GNAQ: variants seen among roughly 807,000 people sequenced by gnomAD.
The protein encoded by GNAQ is guanine nucleotide-binding protein G(q) subunit alpha.
GNAQ carries 8 observed loss-of-function variants against 43.9 expected under a neutral mutation model. The ratio of observed to expected loss-of-function variants is 0.18; its 90% CI spans 0.11 to 0.33. The LOEUF is 0.33. GNAQ is among the 10% of genes least tolerant of loss of function. GNAQ has a pLI of 1.00. For missense variants in GNAQ, 158 were observed against 450.8 expected, an observed-to-expected ratio of 0.35 and a Z score of 5.88; for synonymous variants, 155 against 170.7, an observed-to-expected ratio of 0.91 and a Z score of 0.71.
chr9:77,868,357 A>C (rs916631870), intron 2 of GNAQ, among the ~76,000 whole-genome samples: 1 of 152,246 alleles, frequency 6.6e-6, no homozygotes, highest in Admixed American at 6.5e-5. Context: ...AAACATTATG[A>C]ATCATGAATA....
intron 2 of GNAQ, among the ~76,000 whole-genome samples, chr9:77,825,334 C>CT (rs1399853339): frequency 6.6e-6 from 1 of 152,140 alleles, no homozygotes; most frequent in Admixed American, 6.5e-5. Context: ...AGTAAGACTG[C>CT]TTCAGCCTTC....
intron 2 of GNAQ, among the ~76,000 whole-genome samples, chr9:77,840,971 A>C (rs1295311702): frequency 6.6e-6 from 1 of 152,090 alleles, no homozygotes; most frequent in Admixed American, 6.5e-5. Flanking sequence ...AGGAGTATTA[A>C]CTGGACTCTG....
At chr9:77,778,607 C>A (rs376221226) in intron 5 of GNAQ, among the ~76,000 whole-genome samples, 1 of 151,700 alleles carries the variant, frequency 6.6e-6, no homozygotes, top group African/African-American at 2.4e-5. Context: ...TAAATGTGAA[C>A]GGTCTACATA....
chr9:77,857,552 GGGAGGGAA>G (rs756934807), intron 2 of GNAQ, among the ~76,000 whole-genome samples: 41 of 148,516 alleles, frequency 2.8e-4, no homozygotes, highest in Non-Finnish European at 4.6e-4. Flanking sequence ...AAGGGAGGGA[GGGAGGGAA>G]GGAAGGAAGG....
At chr9:77,815,569 T>G in intron 3 of GNAQ, 47 bp downstream of exon 3, 1 of 1,242,050 alleles carries the variant, frequency 8.1e-7, no homozygotes, top group East Asian at 2.3e-5. Context: ...AACCTCCACA[T>G]GGAAGTAAAG....
intron 1 of GNAQ, among the ~76,000 whole-genome samples, chr9:77,993,946 A>G (rs1423453408): frequency 6.6e-6 from 1 of 152,136 alleles, no homozygotes; most frequent in Non-Finnish European, 1.5e-5. Context: ...GAAATGAAAA[A>G]CCATCTCATA....
intron 2 of GNAQ, among the ~76,000 whole-genome samples, chr9:77,887,297 T>C (rs1291102285): frequency 1.3e-5 from 2 of 152,330 alleles, no homozygotes; most frequent in African/African-American, 4.8e-5. Context: ...TACTAAAAAC[T>C]GAAGACTCAT....
At chr9:77,883,743 A>G (rs1367926719) in intron 2 of GNAQ, among the ~76,000 whole-genome samples, 1 of 152,010 alleles carries the variant, frequency 6.6e-6, no homozygotes, top group East Asian at 1.9e-4. Context: ...GGGTACAATC[A>G]GAGTTTTTGG....
chr9:77,946,187 G>T (rs889402383), intron 1 of GNAQ, among the ~76,000 whole-genome samples: 5 of 152,046 alleles, frequency 3.3e-5, no homozygotes, highest in African/African-American at 1.2e-4. Context: ...AGAAGCAACA[G>T]GAACTAAAGA....
chr9:77,946,781 C>G (rs1171861905), intron 1 of GNAQ, among the ~76,000 whole-genome samples: 1 of 152,174 alleles, frequency 6.6e-6, no homozygotes. Context: ...GTATCAGATT[C>G]AGGTACTACC....
intron 2 of GNAQ, among the ~76,000 whole-genome samples, chr9:77,829,562 A>T (rs114136296): frequency 0.014 from 2,163 of 152,326 alleles, 48 homozygotes; most frequent in African/African-American, 0.049. Context: ...AGCAGCAATG[A>T]CTGCGGCTTG....
At chr9:77,863,695 G>A (rs1350007778) in intron 2 of GNAQ, among the ~76,000 whole-genome samples, 1 of 152,104 alleles carries the variant, frequency 6.6e-6, no homozygotes, top group Non-Finnish European at 1.5e-5. Context: ...AAAAAAAAGA[G>A]GTTTAATGGA....
At chr9:77,857,227 C>T (rs902699508) in intron 2 of GNAQ, among the ~76,000 whole-genome samples, 2 of 152,168 alleles carry the variant, frequency 1.3e-5, no homozygotes, top group Admixed American at 6.6e-5. Flanking sequence ...CTTGCAACCG[C>T]GGGCCCATTT....
At chr9:77,997,267 T>C (rs1427450668) in intron 1 of GNAQ, among the ~76,000 whole-genome samples, 1 of 152,210 alleles carries the variant, frequency 6.6e-6, no homozygotes, top group African/African-American at 2.4e-5. Flanking sequence ...GGCCTCCATA[T>C]TGTACAGTCA....
chr9:77,830,407 T>C (rs1048869900), intron 2 of GNAQ, among the ~76,000 whole-genome samples: 4 of 152,204 alleles, frequency 2.6e-5, no homozygotes, highest in Non-Finnish European at 5.9e-5. Flanking sequence ...AGTTTTGTCA[T>C]ATTTAATGCA....
chr9:77,792,921 T>C (rs1292920982), intron 5 of GNAQ, among the ~76,000 whole-genome samples: 1 of 152,098 alleles, frequency 6.6e-6, no homozygotes, highest in Non-Finnish European at 1.5e-5. Flanking sequence ...CATATCTTGT[T>C]TATAAGGTCT....
At chr9:77,987,980 G>A (rs1823462981) in intron 1 of GNAQ, among the ~76,000 whole-genome samples, 1 of 152,202 alleles carries the variant, frequency 6.6e-6, no homozygotes, top group African/African-American at 2.4e-5. Context: ...GACAACTTAA[G>A]TCAAGGCTGA....
chr9:77,754,920 A>G (rs1249725430), intron 5 of GNAQ, among the ~76,000 whole-genome samples: 1 of 152,264 alleles, frequency 6.6e-6, no homozygotes, highest in African/African-American at 2.4e-5. Flanking sequence ...TCAAAAAGAT[A>G]TCTTCACTTC....
At chr9:77,960,137 T>C (rs1823089799) in intron 1 of GNAQ, among the ~76,000 whole-genome samples, 1 of 152,210 alleles carries the variant, frequency 6.6e-6, no homozygotes, top group Non-Finnish European at 1.5e-5. Context: ...CTTGCTTTAA[T>C]TCTATGCTCA....
Sources: gnomAD v4.1 joint callset for allele counts (sites outside exome capture counted in the v4.1 genomes callset) on GRCh38, gnomAD v4.1.1 for gene constraint, MANE v1.5 for transcripts, NCBI Gene and HGNC (gene_info 2026-07-23, HGNC 2026-07-21) for gene names.